The following ADAMTSL1 variants were observed in gnomAD, a reference collection of about 807,000 sequenced individuals.
ADAMTSL1 encodes ADAMTS like 1.
A neutral mutation model predicts 201.8 loss-of-function variants in ADAMTSL1; 126 were observed. The ratio of observed to expected loss-of-function variants is 0.62; its 90% confidence interval spans 0.54 to 0.72. The LOEUF (loss-of-function observed/expected upper bound fraction) is 0.72. Among genes scored for constraint, ADAMTSL1 ranks in the 30% least tolerant of loss-of-function variants. The probability of loss-of-function intolerance (pLI) is 0.00; values close to 1 mark genes in which losing one functional copy is unlikely to be tolerated. For missense variants in ADAMTSL1, 2,679 were observed against 2,277.8 expected, an observed-to-expected ratio of 1.18 and a Z score of -3.59; for synonymous variants, 1,121 against 903.4, an observed-to-expected ratio of 1.24 and a Z score of -4.32.
chr9:18,296,727 C>G (rs1175333698), intron 2 of ADAMTSL1, among the ~76,000 whole-genome samples: 1 of 152,162 alleles, frequency 6.6e-6, no homozygotes. Context: ...GAATAGCTGG[C>G]TCTAAATAGT....
chr9:18,737,989 T>C (rs1818615750), intron 15 of ADAMTSL1, among the ~76,000 whole-genome samples: 1 of 152,214 alleles, frequency 6.6e-6, no homozygotes, highest in Non-Finnish European at 1.5e-5. Context: ...ATCTATAAGA[T>C]AAAGATTTTT....
chr9:18,861,505 A>G (rs1827215284), intron 23 of ADAMTSL1, among the ~76,000 whole-genome samples: 1 of 152,212 alleles, frequency 6.6e-6, no homozygotes, highest in Non-Finnish European at 1.5e-5. Flanking sequence ...TCTGGAGTAT[A>G]TAAATCCAAG....
chr9:18,751,494 G>T (rs554223145), intron 15 of ADAMTSL1, among the ~76,000 whole-genome samples: 2 of 152,306 alleles, frequency 1.3e-5, no homozygotes, highest in East Asian at 1.9e-4. Context: ...ATCTCATATT[G>T]TTCTGGAGGC....
chr9:18,809,016 A>T (rs1823340216), intron 20 of ADAMTSL1, among the ~76,000 whole-genome samples: 1 of 152,262 alleles, frequency 6.6e-6, no homozygotes, highest in South Asian at 2.1e-4. Context: ...ATACTTATTG[A>T]GAATCTACTA....
chr9:18,306,424 T>A (rs1833910726), intron 2 of ADAMTSL1, among the ~76,000 whole-genome samples: 1 of 152,072 alleles, frequency 6.6e-6, no homozygotes. Context: ...TCTAACCCAA[T>A]GCAAGGAAGC....
At chr9:18,859,808 C>G (rs151234448) in intron 23 of ADAMTSL1, among the ~76,000 whole-genome samples, 156 of 151,678 alleles carry the variant, frequency 1.0e-3, no homozygotes, top group African/African-American at 3.7e-3. Context: ...ATTAAAGATT[C>G]TTTTTTTTGC....
At chr9:18,748,921 A>G (rs1023653815) in intron 15 of ADAMTSL1, among the ~76,000 whole-genome samples, 1 of 152,186 alleles carries the variant, frequency 6.6e-6, no homozygotes, top group Admixed American at 6.5e-5. Flanking sequence ...ACCTATAAGG[A>G]GAGTCCTTCC....
chr9:18,540,680 G>A (rs1820075963), intron 3 of ADAMTSL1, among the ~76,000 whole-genome samples: 1 of 152,142 alleles, frequency 6.6e-6, no homozygotes, highest in South Asian at 2.1e-4. Context: ...AGAGCAGAAG[G>A]CTGAAAGAAA....
chr9:18,674,783 A>T (rs1048221639), intron 9 of ADAMTSL1, among the ~76,000 whole-genome samples: 1 of 152,164 alleles, frequency 6.6e-6, no homozygotes, highest in African/African-American at 2.4e-5. Flanking sequence ...TCTATCATTT[A>T]TCAGTTGCAA....
At chr9:18,485,446 G>C (rs1399961440) in intron 1 of ADAMTSL1, among the ~76,000 whole-genome samples, 2 of 152,176 alleles carry the variant, frequency 1.3e-5, no homozygotes, top group Non-Finnish European at 2.9e-5. Context: ...AAACAAGACA[G>C]TCTTACTCCC....
chr9:18,699,955 G>A (rs983291240), intron 13 of ADAMTSL1, among the ~76,000 whole-genome samples: 1 of 152,156 alleles, frequency 6.6e-6, no homozygotes, highest in Admixed American at 6.5e-5. Flanking sequence ...AATATGAGTT[G>A]CATAACTAGC....
At chr9:18,601,637 A>G (rs75103845) in intron 4 of ADAMTSL1, among the ~76,000 whole-genome samples, 19,251 of 152,168 alleles carry the variant, frequency 0.13, 1,366 homozygotes, top group Non-Finnish European at 0.16. Flanking sequence ...TTATTTTTGT[A>G]TATTTATTTC....
At chr9:18,227,297 T>C (rs1165807321) in intron 2 of ADAMTSL1, among the ~76,000 whole-genome samples, 1 of 152,030 alleles carries the variant, frequency 6.6e-6, no homozygotes, top group East Asian at 1.9e-4. Context: ...TCTGTGCATG[T>C]TTGCTCAAAG....
chr9:18,585,999 A>C (rs1823463912), intron 4 of ADAMTSL1, among the ~76,000 whole-genome samples: 1 of 152,226 alleles, frequency 6.6e-6, no homozygotes. Flanking sequence ...AATGAGCAAA[A>C]GCCAGAAAAT....
intron 2 of ADAMTSL1, among the ~76,000 whole-genome samples, chr9:18,382,331 T>C (rs142247081): frequency 1.1e-3 from 160 of 152,306 alleles, no homozygotes; most frequent in African/African-American, 3.8e-3. Context: ...GCCAAGCATA[T>C]TGCCACATCT....
intron 2 of ADAMTSL1, among the ~76,000 whole-genome samples, chr9:18,442,617 A>T (rs561079595): frequency 6.6e-6 from 1 of 152,320 alleles, no homozygotes; most frequent in East Asian, 1.9e-4. Flanking sequence ...AATGTGCTAG[A>T]TATTTGCTTT....
At chr9:17,925,817 G>A (rs1356416394) in intron 1 of ADAMTSL1, among the ~76,000 whole-genome samples, 1 of 145,486 alleles carries the variant, frequency 6.9e-6, no homozygotes. Context: ...TAACTAACCT[G>A]CACAATGTGC....
At chr9:18,720,952 T>C (rs1043877690) in intron 14 of ADAMTSL1, among the ~76,000 whole-genome samples, 16 of 152,160 alleles carry the variant, frequency 1.1e-4, no homozygotes, top group Non-Finnish European at 2.4e-4. Flanking sequence ...GTGGTTATTA[T>C]GCATCTTATT....
chr9:18,794,410 AAAAAAACAAAAAC>A (rs1265634493), intron 19 of ADAMTSL1, among the ~76,000 whole-genome samples: 1 of 85,932 alleles, frequency 1.2e-5, no homozygotes, highest in Non-Finnish European at 2.4e-5. Context: ...GTCTCAAAAA[AAAAAAACAAAAAC>A]AAAAACAAAA....
Sources: gnomAD v4.1 joint callset for allele counts (sites outside exome capture counted in the v4.1 genomes callset) on GRCh38, gnomAD v4.1.1 for gene constraint, MANE v1.5 for transcripts, NCBI Gene and HGNC (gene_info 2026-07-23, HGNC 2026-07-21) for gene names.